GALK2: variants seen among roughly 807,000 people sequenced by gnomAD.
GALK2 encodes galactokinase 2, also known as N-acetylgalactosamine kinase.
In GALK2, 36 loss-of-function variants were observed where a neutral mutation model predicts 52.4. That is an observed-to-expected ratio of 0.69 (90% CI 0.53 to 0.91). GALK2 has a LOEUF of 0.91. Among genes scored for constraint, GALK2 ranks in the 40% least tolerant of loss-of-function variants. The probability of loss-of-function intolerance (pLI) is 0.00; values close to 1 mark genes in which losing one functional copy is unlikely to be tolerated. For synonymous variants in GALK2, 176 were observed against 199.1 expected, an observed-to-expected ratio of 0.88 and a Z score of 0.98; for missense variants, 579 against 559.1, an observed-to-expected ratio of 1.04 and a Z score of -0.36.
chr15:49,366,832 ACT>A (rs1195772083), intron 3 of GALK2: 5 of 542,032 alleles, frequency 9.2e-6, no homozygotes, highest in African/African-American at 2.0e-5. Context: ...TGCAGCCCAC[ACT>A]CTAATTTAGT....
At chr15:49,183,112 A>G (rs2086094053) in intron 1 of GALK2, among the ~76,000 whole-genome samples, 1 of 152,134 alleles carries the variant, frequency 6.6e-6, no homozygotes, top group Non-Finnish European at 1.5e-5. Context: ...TCTTTTCAAA[A>G]TACTAACTTT....
At chr15:49,339,919 C>A (rs9806748) in intron 3 of GALK2, among the ~76,000 whole-genome samples, 100,625 of 152,002 alleles carry the variant, frequency 0.66, 33,816 homozygotes, top group African/African-American at 0.74. Flanking sequence ...TTACACTGTG[C>A]GGGTAAAACT....
intron 1 of GALK2, among the ~76,000 whole-genome samples, chr15:49,181,403 C>T (rs2085957561): frequency 6.6e-6 from 1 of 151,764 alleles, no homozygotes; most frequent in African/African-American, 2.4e-5. Context: ...CTGCACCTGG[C>T]CAACTTTTAA....
intron 3 of GALK2, among the ~76,000 whole-genome samples, chr15:49,351,218 CAAATA>C (rs2042199266): frequency 6.6e-6 from 1 of 152,136 alleles, no homozygotes; most frequent in Non-Finnish European, 1.5e-5. Context: ...TGCTTCTATA[CAAATA>C]AAATATTTTC....
chr15:49,324,692 C>T (rs2037188375), intron 9 of GALK2, among the ~76,000 whole-genome samples: 1 of 152,126 alleles, frequency 6.6e-6, no homozygotes, highest in Non-Finnish European at 1.5e-5. Context: ...TTACCTGTGA[C>T]TCTTGCCATT....
intron 4 of GALK2, among the ~76,000 whole-genome samples, chr15:49,236,756 A>T (rs1220913154): frequency 1.3e-5 from 2 of 152,240 alleles, no homozygotes; most frequent in Non-Finnish European, 2.9e-5. Context: ...GTAAACAAAC[A>T]AACTGACCCA....
intron 7 of GALK2, among the ~76,000 whole-genome samples, chr15:49,289,240 A>G (rs568899357): frequency 1.2e-4 from 19 of 152,324 alleles, no homozygotes; most frequent in Non-Finnish European, 1.8e-4. Context: ...GGCACTCAGT[A>G]GACACTCACT....
intron 5 of GALK2, among the ~76,000 whole-genome samples, chr15:49,261,429 C>G (rs978331682): frequency 2.0e-5 from 3 of 151,000 alleles, no homozygotes; most frequent in Admixed American, 6.6e-5. Flanking sequence ...TATCCTGAGA[C>G]TTTGCTGAAG....
intron 3 of GALK2, among the ~76,000 whole-genome samples, chr15:49,226,387 C>T (rs2090137631): frequency 6.6e-6 from 1 of 152,128 alleles, no homozygotes; most frequent in African/African-American, 2.4e-5. Flanking sequence ...TCTTTTCAGC[C>T]TCAGTGTCAG....
intron 5 of GALK2, among the ~76,000 whole-genome samples, chr15:49,264,859 G>A (rs1378153557): frequency 2.0e-5 from 3 of 152,214 alleles, no homozygotes; most frequent in Non-Finnish European, 4.4e-5. Flanking sequence ...GTTTGCCTGG[G>A]TACCAGCAGT....
chr15:49,331,509 G>A lies in GALK2; in HGVS notation c.*3350G>A, dbSNP rs117781634. The A allele has an allele frequency of 0.011, 4,315 of 385,608 alleles. 87 individuals carry two copies. The highest frequency in any genetic ancestry group is 0.065 in the South Asian group (1,427 of 22,096). 23.9% of individuals were successfully genotyped at this position (385,608 alleles called of 1,614,324 possible). On this transcript the variant is annotated 3_prime_UTR_variant, in exon 10 of 10. Transcript: ENST00000560031. ...CAATTTTAAACATCAGTGATTATTAGTTTGTAATTCTAACTGCATTTGGAG... is the reference window on the plus strand; with the variant it reads ...CAATTTTAAACATCAGTGATTATTAATTTGTAATTCTAACTGCATTTGGAG...
At chr15:49,280,008 G>A (rs2032457585) in intron 5 of GALK2, among the ~76,000 whole-genome samples, 1 of 152,192 alleles carries the variant, frequency 6.6e-6, no homozygotes, top group Non-Finnish European at 1.5e-5. Context: ...GTCAGATGGT[G>A]TTTGGGCAGC....
chr15:49,321,065 A>G (rs1265541181), intron 9 of GALK2, among the ~76,000 whole-genome samples: 1 of 152,192 alleles, frequency 6.6e-6, no homozygotes, highest in Non-Finnish European at 1.5e-5. Context: ...AAAGAGAGAA[A>G]TGACAATTAA....
chr15:49,251,585 A>G (rs574509397), intron 5 of GALK2, among the ~76,000 whole-genome samples: 2 of 152,246 alleles, frequency 1.3e-5, no homozygotes, highest in East Asian at 3.9e-4. Context: ...CTATAGGTGC[A>G]ATGTTGTAGA....
chr15:49,327,469 A>G (rs1476481249), intron 9 of GALK2: 6 of 152,594 alleles, frequency 3.9e-5, no homozygotes, highest in Non-Finnish European at 8.8e-5. Context: ...CCCGGCCTTA[A>G]GAATGCAGCT....
At chr15:49,214,321 T>C (rs1361447849) in intron 2 of GALK2, among the ~76,000 whole-genome samples, 1 of 143,932 alleles carries the variant, frequency 6.9e-6, no homozygotes, top group Non-Finnish European at 1.5e-5. Context: ...CCCCATTTCT[T>C]CACTTTGTCA....
At chr15:49,327,715 G>GTTGAC in intron 9 of GALK2, 1 of 383,838 alleles carries the variant, frequency 2.6e-6, no homozygotes, top group East Asian at 4.2e-5. Flanking sequence ...GAGGAGTACT[G>GTTGAC]TTGACTTACC....
chr15:49,197,030 C>T (rs1194311826), intron 1 of GALK2, among the ~76,000 whole-genome samples: 1 of 152,174 alleles, frequency 6.6e-6, no homozygotes, highest in Admixed American at 6.5e-5. Flanking sequence ...TAGGCTGCAG[C>T]GAGCCGTGAT....
intron 1 of GALK2, among the ~76,000 whole-genome samples, chr15:49,176,293 T>A (rs1438152516): frequency 6.6e-6 from 1 of 152,244 alleles, no homozygotes; most frequent in African/African-American, 2.4e-5. Flanking sequence ...TAGGTTATGC[T>A]ATTTTAATGT....
Sources: allele counts gnomAD v4.1 joint callset (sites outside exome capture counted in the v4.1 genomes callset), GRCh38; gene constraint gnomAD v4.1.1; transcripts MANE v1.5; gene names NCBI Gene and HGNC (gene_info 2026-07-23, HGNC 2026-07-21).